Variants in PRKG1 observed in about 807,000 individuals in gnomAD.
PRKG1 encodes the protein protein kinase cGMP-dependent 1, also known as cGMP-dependent protein kinase 1.
In PRKG1, 35 loss-of-function variants were observed where a neutral mutation model predicts 88.1. The observed-to-expected ratio is 0.40, with a 90% CI of 0.30 to 0.53. PRKG1 has a LOEUF of 0.53. PRKG1 is among the 20% of genes least tolerant of loss of function. The pLI is 0.59. For missense variants in PRKG1, 540 were observed against 839.8 expected (o/e 0.64, Z 4.41); for synonymous variants, 303 against 292.5 (o/e 1.04, Z -0.37).
At chr10:51,025,917 C>A (rs377232701) in intron 1 of PRKG1, among the ~76,000 whole-genome samples, 197 of 152,214 alleles carry the variant, frequency 1.3e-3, no homozygotes, top group African/African-American at 3.9e-3. Flanking sequence ...ATAGTCATTG[C>A]AGTTATAATT....
intron 3 of PRKG1, among the ~76,000 whole-genome samples, chr10:51,564,890 T>G (rs983772572): frequency 1.3e-5 from 2 of 152,118 alleles, no homozygotes; most frequent in Non-Finnish European, 2.9e-5. Context: ...ATTGGACTCT[T>G]TTTTTCTTCT....
intron 5 of PRKG1, among the ~76,000 whole-genome samples, chr10:51,977,903 T>C (rs1843888357): frequency 6.6e-6 from 1 of 152,138 alleles, no homozygotes; most frequent in African/African-American, 2.4e-5. Context: ...GCAAAAATTT[T>C]CTCCCATTCT....
intron 5 of PRKG1, among the ~76,000 whole-genome samples, chr10:51,925,848 A>G (rs547432056): frequency 7.0e-4 from 107 of 152,244 alleles, no homozygotes; most frequent in African/African-American, 2.4e-3. Flanking sequence ...AAGAAATGCT[A>G]TTGATCTTTA....
At chr10:51,202,837 A>G (rs1837949006) in intron 2 of PRKG1, among the ~76,000 whole-genome samples, 1 of 152,200 alleles carries the variant, frequency 6.6e-6, no homozygotes, top group South Asian at 2.1e-4. Context: ...TAAGGTGTTT[A>G]TTTTTAATTT....
chr10:50,991,443 T>G lies in PRKG1; in HGVS notation c.65T>G (p.Leu22Arg). Residue 22 changes from leucine (L) to arginine (R), a missense_variant, in exon 1 of 18, where the codon CTG becomes CGG. Physicochemically the swap from Leu to Arg is moderately radical, Grantham distance 102. Transcript: ENST00000401604. This position sits in a 1 kb window ranked among gnomAD's most constrained non-coding sequence, Gnocchi z 4.5. ...CTCAAGGAGGAGAGGATCAAAGAGC[T>G]GGAGAAGCGGCTGTCAGAGAAGGAG... is the stretch of plus-strand genomic sequence containing the variant. The G allele has an allele frequency of 6.3e-7, 1 of 1,599,252 alleles. No homozygotes were observed. Among genetic ancestry groups the G allele is most frequent in the South Asian group, 1.1e-5 (1 of 88,256 alleles).
At chr10:51,806,327 C>CT (rs1839306735) in intron 4 of PRKG1, among the ~76,000 whole-genome samples, 1 of 152,162 alleles carries the variant, frequency 6.6e-6, no homozygotes, top group African/African-American at 2.4e-5. Context: ...TCAAATGACT[C>CT]TAACAAGAAC....
At chr10:51,639,389 G>A (rs1839737600) in intron 3 of PRKG1, among the ~76,000 whole-genome samples, 1 of 128,550 alleles carries the variant, frequency 7.8e-6, no homozygotes, top group African/African-American at 2.9e-5. Flanking sequence ...AGCCGAGATA[G>A]TGCCACTACA....
chr10:51,538,953 A>G (rs1842232236), intron 3 of PRKG1, among the ~76,000 whole-genome samples: 1 of 152,022 alleles, frequency 6.6e-6, no homozygotes, highest in African/African-American at 2.4e-5. Flanking sequence ...ACTCCATCAA[A>G]TAGATTTTAT....
intron 5 of PRKG1, chr10:51,909,010 A>G (rs7896865): frequency 0.75 from 114,109 of 152,026 alleles, 43,357 homozygotes; most frequent in African/African-American, 0.87. Context: ...GATTACAGGC[A>G]TGAGCCACCA....
At chr10:51,899,045 G>A (rs1841919518) in intron 4 of PRKG1, among the ~76,000 whole-genome samples, 1 of 152,004 alleles carries the variant, frequency 6.6e-6, no homozygotes, top group Admixed American at 6.6e-5. Flanking sequence ...TTCCTGCAAA[G>A]CTCTATTCAC....
At chr10:51,311,996 C>T (rs1156787084) in intron 2 of PRKG1, among the ~76,000 whole-genome samples, 1 of 152,106 alleles carries the variant, frequency 6.6e-6, no homozygotes, top group Non-Finnish European at 1.5e-5. Flanking sequence ...CTCAGCCTCC[C>T]TGGTAGCTGG....
chr10:52,155,582 A>G (rs1348063790), intron 8 of PRKG1, among the ~76,000 whole-genome samples: 1 of 152,048 alleles, frequency 6.6e-6, no homozygotes, highest in Non-Finnish European at 1.5e-5. Context: ...TACTAAACCA[A>G]TACAATTTCA....
intron 4 of PRKG1, among the ~76,000 whole-genome samples, chr10:51,884,434 A>G (rs1841515441): frequency 1.2e-5 from 1 of 86,284 alleles, no homozygotes; most frequent in African/African-American, 4.5e-5. Context: ...GACAGAGTGA[A>G]ACTCCGTCTC....
At chr10:51,762,973 A>G (rs753960462) in intron 3 of PRKG1, among the ~76,000 whole-genome samples, 1 of 152,228 alleles carries the variant, frequency 6.6e-6, no homozygotes, top group Non-Finnish European at 1.5e-5. Context: ...TCCTAGTCCC[A>G]ACTCTGTCAA....
At chr10:51,418,164 C>G (rs1838296808) in intron 2 of PRKG1, among the ~76,000 whole-genome samples, 1 of 152,172 alleles carries the variant, frequency 6.6e-6, no homozygotes, top group Non-Finnish European at 1.5e-5. Context: ...ATCTGCCTGA[C>G]TTTGAATAAG....
At chr10:51,650,360 G>C (rs923912518) in intron 3 of PRKG1, among the ~76,000 whole-genome samples, 1 of 152,082 alleles carries the variant, frequency 6.6e-6, no homozygotes, top group African/African-American at 2.4e-5. Flanking sequence ...TCCTTGATAA[G>C]AGTCCCTTTC....
intron 2 of PRKG1, among the ~76,000 whole-genome samples, chr10:51,348,280 T>C (rs1842160935): frequency 6.6e-6 from 1 of 152,158 alleles, no homozygotes. Flanking sequence ...TGTGCAATCA[T>C]CCTTTTCTCT....
intron 1 of PRKG1, among the ~76,000 whole-genome samples, chr10:51,102,162 A>G (rs1844702945): frequency 3.9e-5 from 6 of 152,234 alleles, no homozygotes; most frequent in Admixed American, 3.9e-4. Context: ...CCTCAAAAGC[A>G]TAAAACATAG....
rs1842358967 is a variant in PRKG1, at chr10:52,295,377, AT to A, written c.*1480del. Reference sequence around the variant, plus strand: ...AAAATAGAATTACTACAATTCTGCAATTTCATACTACCTAAAAAAGACTAGA... The same window carrying A: ...AAAATAGAATTACTACAATTCTGCAATTCATACTACCTAAAAAAGACTAGA... On this transcript the variant is annotated 3_prime_UTR_variant, in exon 18 of 18. Coordinates refer to ENST00000373980, the MANE Select transcript of PRKG1 (RefSeq NM_006258.4). The A allele has an allele frequency of 6.6e-6, 1 of 152,036 alleles. No individual in the cohort carries two copies. The highest frequency in any genetic ancestry group is 2.1e-4 in the South Asian group (1 of 4,828). The allele number at this position is 152,036 out of a possible 1,614,324, so 9.4% of individuals were successfully genotyped here. A position where few individuals can be genotyped will look rare whatever the true frequency, so the allele number is the denominator to read the frequency against.
Sources: allele counts gnomAD v4.1 joint callset (sites outside exome capture counted in the v4.1 genomes callset), GRCh38; gene constraint gnomAD v4.1.1; non-coding constraint Gnocchi (gnomAD v3.1); transcripts MANE v1.5; gene names NCBI Gene and HGNC (gene_info 2026-07-23, HGNC 2026-07-21).